Variants in NUBPL observed in about 807,000 individuals in gnomAD.
NUBPL encodes the protein iron-sulfur cluster transfer protein NUBPL.
Under a neutral mutation model 45.7 loss-of-function variants are expected in NUBPL, and 31 were observed. The ratio of observed to expected loss-of-function variants is 0.68; its 90% CI spans 0.51 to 0.92. The LOEUF is 0.92. Among genes scored for constraint, NUBPL ranks in the 40% least tolerant of loss-of-function variants. NUBPL has a pLI of 0.00. For missense variants in NUBPL, 401 were observed against 398.7 expected (o/e 1.01, Z -0.05); for synonymous variants, 144 against 140.9 (o/e 1.02, Z -0.15).
At chr14:31,756,373 C>A (rs940496485) in intron 6 of NUBPL, among the ~76,000 whole-genome samples, 1 of 151,956 alleles carries the variant, frequency 6.6e-6, no homozygotes, top group African/African-American at 2.4e-5. Context: ...TCTTTTATTT[C>A]CTTGAGCAGT....
chr14:31,704,573 G>C (rs1263266910), intron 6 of NUBPL, among the ~76,000 whole-genome samples: 1 of 151,994 alleles, frequency 6.6e-6, no homozygotes, highest in Non-Finnish European at 1.5e-5. Context: ...TGAGACAGGA[G>C]AATCGCTTGA....
chr14:31,841,917 C>CTTTTGTTTTTTTTTTTTTG, intron 8 of NUBPL, among the ~76,000 whole-genome samples: 1 of 43,036 alleles, frequency 2.3e-5, no homozygotes, highest in Non-Finnish European at 4.3e-5. Context: ...CGATTCTGGG[C>CTTTTGTTTTTTTTTTTTTG]TTTTTTTTTT....
At chr14:31,606,659 T>C (rs1408898280) in intron 4 of NUBPL, among the ~76,000 whole-genome samples, 1 of 152,138 alleles carries the variant, frequency 6.6e-6, no homozygotes, top group Admixed American at 6.5e-5. Flanking sequence ...TTAAGATGAC[T>C]AGTACAGTAG....
At chr14:31,662,477 C>G (rs1389288625) in intron 4 of NUBPL, among the ~76,000 whole-genome samples, 2 of 152,040 alleles carry the variant, frequency 1.3e-5, no homozygotes, top group African/African-American at 4.8e-5. Flanking sequence ...CTCTGCCCCC[C>G]ACCCACCGAC....
chr14:31,781,015 C>T (rs2039182805), intron 6 of NUBPL, among the ~76,000 whole-genome samples: 1 of 152,174 alleles, frequency 6.6e-6, no homozygotes, highest in Admixed American at 6.5e-5. Context: ...ATGAGAGATG[C>T]ACCCTTTGAG....
Position 31,859,772 on chromosome 14 carries a change from GTAAGAATAATAGCTAACATTTAACAAGT to G in NUBPL, c.*596_*623del, listed in dbSNP as rs1029013651. The G allele has an allele frequency of 5.1e-5, 8 of 157,886 alleles. No homozygotes were observed. Among genetic ancestry groups the G allele is most frequent in the Admixed American group, 4.7e-4 (8 of 16,900 alleles). The allele number at this position is 157,886 out of a possible 1,614,324, so 9.8% of individuals were successfully genotyped here. A position where few individuals can be genotyped will look rare whatever the true frequency, so the allele number is the denominator to read the frequency against. On this transcript the variant is annotated 3_prime_UTR_variant, in exon 11 of 11. Transcript: ENST00000281081. Reference sequence around the variant, plus strand: ...GATGATGATTCTGGTAATCATGGCAGTAAGAATAATAGCTAACATTTAACAAGTTAATTATAATTGTTCTTCCATTTGT... The same window carrying G: ...GATGATGATTCTGGTAATCATGGCAGTAATTATAATTGTTCTTCCATTTGT...
At chr14:31,658,488 AT>A (rs1303942620) in intron 4 of NUBPL, among the ~76,000 whole-genome samples, 1 of 152,130 alleles carries the variant, frequency 6.6e-6, no homozygotes, top group Admixed American at 6.5e-5. Context: ...TGATGATCAA[AT>A]ATAGGTTATG....
At chr14:31,731,813 T>C (rs1175181836) in intron 6 of NUBPL, among the ~76,000 whole-genome samples, 1 of 152,092 alleles carries the variant, frequency 6.6e-6, no homozygotes, top group Non-Finnish European at 1.5e-5. Context: ...CAGAAGATAC[T>C]CTGAAACTCT....
intron 4 of NUBPL, among the ~76,000 whole-genome samples, chr14:31,642,351 A>G (rs764979379): frequency 2.0e-4 from 30 of 152,080 alleles, no homozygotes; most frequent in Admixed American, 4.6e-4. Flanking sequence ...TTTTAATTTG[A>G]TTTTTGTACA....
At chr14:31,689,008 T>G (rs929147289) in intron 6 of NUBPL, among the ~76,000 whole-genome samples, 5 of 152,168 alleles carry the variant, frequency 3.3e-5, no homozygotes, top group South Asian at 2.1e-4. Context: ...TTTTTTTTTT[T>G]TGTGGCTGCA....
At chr14:31,670,490 G>A (rs1023528433) in intron 4 of NUBPL, among the ~76,000 whole-genome samples, 1 of 152,066 alleles carries the variant, frequency 6.6e-6, no homozygotes, top group Non-Finnish European at 1.5e-5. Context: ...GATCCCACTT[G>A]TCAATTTTTG....
At chr14:31,750,202 TC>T (rs1410830203) in intron 6 of NUBPL, among the ~76,000 whole-genome samples, 1 of 149,676 alleles carries the variant, frequency 6.7e-6, no homozygotes, top group African/African-American at 2.5e-5. Flanking sequence ...TGAGACGGAG[TC>T]TTGCTCTGTC....
chr14:31,634,109 T>G (rs1197882772), intron 4 of NUBPL, among the ~76,000 whole-genome samples: 2 of 152,054 alleles, frequency 1.3e-5, no homozygotes, highest in African/African-American at 4.8e-5. Context: ...TATTATACTT[T>G]AAGTTTTAGG....
intron 4 of NUBPL, among the ~76,000 whole-genome samples, chr14:31,608,844 G>A (rs1170579411): frequency 6.6e-6 from 1 of 152,132 alleles, no homozygotes; most frequent in Non-Finnish European, 1.5e-5. Flanking sequence ...ACTGGTACTG[G>A]TTTGCGGCCT....
At chr14:31,785,258 G>T (rs1215516426) in intron 6 of NUBPL, among the ~76,000 whole-genome samples, 1 of 152,152 alleles carries the variant, frequency 6.6e-6, no homozygotes, top group East Asian at 1.9e-4. Flanking sequence ...CTAAATCAGG[G>T]ACCAAATAAT....
chr14:31,610,469 G>A (rs2034722214), intron 4 of NUBPL, among the ~76,000 whole-genome samples: 1 of 151,860 alleles, frequency 6.6e-6, no homozygotes, highest in African/African-American at 2.4e-5. Context: ...TAGCTTCACT[G>A]CTGAATTCTA....
At chr14:31,716,626 CAG>C (rs2037694416) in intron 6 of NUBPL, among the ~76,000 whole-genome samples, 1 of 152,202 alleles carries the variant, frequency 6.6e-6, no homozygotes, top group Non-Finnish European at 1.5e-5. Context: ...AACATTTGAA[CAG>C]AGTCTAAAAC....
intron 8 of NUBPL, among the ~76,000 whole-genome samples, chr14:31,828,904 T>A (rs559628088): frequency 6.6e-6 from 1 of 152,322 alleles, no homozygotes; most frequent in East Asian, 1.9e-4. Context: ...AAGTCCAGGT[T>A]AGGCTATTGT....
chr14:31,747,422 C>G (rs1337755011), intron 6 of NUBPL, among the ~76,000 whole-genome samples: 1 of 151,806 alleles, frequency 6.6e-6, no homozygotes, highest in Non-Finnish European at 1.5e-5. Flanking sequence ...GAGGTGTGAG[C>G]CACCGCATCC....
Sources: allele counts gnomAD v4.1 joint callset (sites outside exome capture counted in the v4.1 genomes callset), GRCh38; gene constraint gnomAD v4.1.1; transcripts MANE v1.5; gene names NCBI Gene and HGNC (gene_info 2026-07-23, HGNC 2026-07-21).